Variants in SGK3 observed in about 807,000 individuals in gnomAD.
SGK3 encodes the protein serine/threonine-protein kinase Sgk3.
Under a neutral mutation model 68.5 loss-of-function variants are expected in SGK3, and 47 were observed. That is an observed-to-expected ratio of 0.69 (90% CI 0.54 to 0.87). SGK3 has a LOEUF of 0.87. Ranked by LOEUF, SGK3 falls within the 40% of genes least tolerant of loss-of-function variation. SGK3 has a pLI of 0.00. For synonymous variants in SGK3, 181 were observed against 189.1 expected, an observed-to-expected ratio of 0.96 and a Z score of 0.35; for missense variants, 479 against 575.5, an observed-to-expected ratio of 0.83 and a Z score of 1.72.
chr8:66,760,529 T>C (rs1806133944), intron 1 of SGK3, among the ~76,000 whole-genome samples: 1 of 151,594 alleles, frequency 6.6e-6, no homozygotes, highest in Non-Finnish European at 1.5e-5. Context: ...AGAGACAGGG[T>C]TTCACCATGT....
At chr8:66,744,715 A>G (rs1269742281) in intron 1 of SGK3, among the ~76,000 whole-genome samples, 1 of 150,506 alleles carries the variant, frequency 6.6e-6, no homozygotes, top group Non-Finnish European at 1.5e-5. Context: ...CATGTTGGCC[A>G]GGCTGGTCTT....
chr8:66,814,827 A>C (rs77603497), intron 5 of SGK3, among the ~76,000 whole-genome samples: 19,433 of 152,148 alleles, frequency 0.13, 2,334 homozygotes, highest in African/African-American at 0.31. Flanking sequence ...ATTGGTAGAT[A>C]TATGGTTTGG....
chr8:66,778,574 C>G (rs1018045890), intron 1 of SGK3, among the ~76,000 whole-genome samples: 1 of 152,214 alleles, frequency 6.6e-6, no homozygotes, highest in Admixed American at 6.5e-5. Flanking sequence ...GGATTACAGG[C>G]GTGAGCCACC....
chr8:66,822,453 T>C lies in SGK3; in HGVS notation c.411T>C (p.Ser137=). ...DPSEDEDERS[S]QKLHSTSQNI... is the part of the protein sequence containing the mutation. ...CTGAAGATGAGGATGAAAGAAGTTC[T>C]CAGAAGGTAGTAAGAGGAATTGCCT... Residue 137 remains serine, a synonymous_variant, in exon 6 of 17, where the codon TCT becomes TCC. Coordinates refer to ENST00000521198, the MANE Select transcript of SGK3 (RefSeq NM_001033578.3). The C allele has an allele frequency of 1.2e-6, 2 of 1,611,204 alleles. No homozygotes were observed. Among genetic ancestry groups the C allele is most frequent in the Non-Finnish European group, 1.7e-6 (2 of 1,178,686 alleles).
intron 1 of SGK3, among the ~76,000 whole-genome samples, chr8:66,751,985 G>A (rs532283836): frequency 2.6e-5 from 4 of 152,086 alleles, no homozygotes; most frequent in South Asian, 2.1e-4. Context: ...GGCTGGTCTC[G>A]AACTCTCGAT....
chr8:66,846,286 C>T (rs1480079664), intron 14 of SGK3, among the ~76,000 whole-genome samples: 3 of 152,058 alleles, frequency 2.0e-5, no homozygotes, highest in Non-Finnish European at 4.4e-5. Flanking sequence ...AGTACAGAAA[C>T]CTGTACAGCT....
chr8:66,840,975 C>A, intron 12 of SGK3, 49 bp from the exon 13 acceptor site: 6 of 1,323,516 alleles, frequency 4.5e-6, no homozygotes, highest in South Asian at 3.0e-5. Context: ...GAAAAATTGT[C>A]AATTCATATT....
chr8:66,842,378 G>A (rs528219589), intron 13 of SGK3, among the ~76,000 whole-genome samples: 275 of 151,932 alleles, frequency 1.8e-3, no homozygotes, highest in African/African-American at 6.3e-3. Context: ...CCGCCACCAC[G>A]CCTGGCTAAT....
At chr8:66,715,269 T>C (rs1228327420) in intron 1 of SGK3, among the ~76,000 whole-genome samples, 1 of 152,158 alleles carries the variant, frequency 6.6e-6, no homozygotes, top group South Asian at 2.1e-4. Context: ...TTCTTTGTTT[T>C]TTTTTTGAGA....
intron 1 of SGK3, among the ~76,000 whole-genome samples, chr8:66,788,297 C>T (rs192719374): frequency 6.6e-6 from 1 of 152,318 alleles, no homozygotes; most frequent in East Asian, 1.9e-4. Flanking sequence ...GTGAACCAGA[C>T]AATACTCTGT....
At chr8:66,729,464 G>GA (rs1805079887) in intron 1 of SGK3, among the ~76,000 whole-genome samples, 1 of 141,304 alleles carries the variant, frequency 7.1e-6, no homozygotes, top group African/African-American at 2.9e-5. Flanking sequence ...TCAAAGAAAA[G>GA]AAAAAAGAAA....
At chr8:66,757,707 G>C (rs1386466824) in intron 1 of SGK3, among the ~76,000 whole-genome samples, 2 of 151,426 alleles carry the variant, frequency 1.3e-5, no homozygotes, top group Non-Finnish European at 2.9e-5. Flanking sequence ...TTGAGGTCAG[G>C]AGTTTGAGAC....
chr8:66,737,129 C>T (rs1805341838), intron 1 of SGK3: 1 of 151,472 alleles, frequency 6.6e-6, no homozygotes, highest in Admixed American at 6.6e-5. Flanking sequence ...ACACCTGGCC[C>T]GATATTCTTA....
At chr8:66,806,181 T>C (rs1261462479) in intron 4 of SGK3, among the ~76,000 whole-genome samples, 1 of 152,118 alleles carries the variant, frequency 6.6e-6, no homozygotes, top group Non-Finnish European at 1.5e-5. Context: ...AGTTTTTTTT[T>C]TCTCTCTTTC....
intron 1 of SGK3, among the ~76,000 whole-genome samples, chr8:66,769,053 G>C (rs934391078): frequency 6.6e-6 from 1 of 152,104 alleles, no homozygotes; most frequent in Non-Finnish European, 1.5e-5. Flanking sequence ...GCACTTGTCA[G>C]ATCTGTGAGT....
chr8:66,739,380 A>G (rs929980897), intron 1 of SGK3, among the ~76,000 whole-genome samples: 2 of 151,196 alleles, frequency 1.3e-5, no homozygotes, highest in Non-Finnish European at 2.9e-5. Flanking sequence ...ATACCACACA[A>G]ATTTATTTAT....
chr8:66,790,146 A>G (rs1807381950), intron 1 of SGK3, among the ~76,000 whole-genome samples: 1 of 152,104 alleles, frequency 6.6e-6, no homozygotes, highest in Non-Finnish European at 1.5e-5. Context: ...CTTTGAATAT[A>G]TTCCTATATG....
intron 1 of SGK3, among the ~76,000 whole-genome samples, chr8:66,771,402 A>G (rs556627646): frequency 6.6e-6 from 1 of 152,328 alleles, no homozygotes; most frequent in East Asian, 1.9e-4. Context: ...ATAGATTGCA[A>G]ATCAGTTTTC....
intron 1 of SGK3, among the ~76,000 whole-genome samples, chr8:66,785,558 G>A (rs899782949): frequency 2.0e-5 from 3 of 151,992 alleles, no homozygotes; most frequent in Non-Finnish European, 4.4e-5. Flanking sequence ...ACCACCGCCC[G>A]CCACTCCCCC....
Sources: gnomAD v4.1 joint callset for allele counts (sites outside exome capture counted in the v4.1 genomes callset) on GRCh38, gnomAD v4.1.1 for gene constraint, MANE v1.5 for transcripts, NCBI Gene and HGNC (gene_info 2026-07-23, HGNC 2026-07-21) for gene names.